Variants in LRR1 observed in about 807,000 individuals in gnomAD.
The protein encoded by LRR1 is leucine rich repeat protein 1.
A neutral mutation model predicts 31.6 loss-of-function variants in LRR1; 29 were observed. The ratio of observed to expected loss-of-function variants is 0.92; its 90% confidence interval spans 0.68 to 1.25. LRR1 has a LOEUF of 1.25. Ranked by LOEUF, LRR1 falls within the 50% of genes most tolerant of loss-of-function variation. The pLI is 0.00. For missense variants in LRR1, 485 were observed against 487.2 expected, an observed-to-expected ratio of 1.00 and a Z score of 0.04; for synonymous variants, 179 against 181.4, an observed-to-expected ratio of 0.99 and a Z score of 0.10.
Position 49,614,276 on chromosome 14 carries a change from T to G in LRR1, c.1025T>G (p.Ile342Ser). Residue 342 changes from isoleucine (I) to serine (S), a missense_variant, in exon 4 of 4, where the codon ATC becomes AGC. Ile to Ser is a moderately radical substitution (Grantham distance 142, BLOSUM62 -2). Transcript: ENST00000298288. Reference protein sequence around the residue: ...LHNRIPYGSHIIPFHLCQDLD... With the variant: ...LHNRIPYGSHSIPFHLCQDLD... ...AATAGGATTCCATATGGCTCTCATA[T>G]CATTCCATTCCATCTCTGCCAAGAT... 2.5e-6 allele frequency: 4 copies of G among 1,613,236 alleles called. No individual in the cohort carries two copies. Among genetic ancestry groups the G allele is most frequent in the Non-Finnish European group, 3.4e-6 (4 of 1,179,792 alleles).
intron 1 of LRR1, chr14:49,601,624 C>G: frequency 7.8e-7 from 1 of 1,289,646 alleles, no homozygotes; most frequent in Non-Finnish European, 1.0e-6. Context: ...GTGCCCACCC[C>G]AGGCTAATGG....
intron 1 of LRR1, chr14:49,600,149 G>C (rs1263712678): frequency 1.5e-5 from 23 of 1,523,934 alleles, no homozygotes; most frequent in South Asian, 1.5e-4. Context: ...GCGTCACCGT[G>C]GGGGGCAAGC....
At chr14:49,608,186 A>T in intron 3 of LRR1, 65 bp downstream of exon 3, 1 of 1,442,342 alleles carries the variant, frequency 6.9e-7, no homozygotes, top group Non-Finnish European at 9.2e-7. Context: ...TATCAAACTC[A>T]GAGTAATAAA....
intron 3 of LRR1, among the ~76,000 whole-genome samples, chr14:49,610,651 C>T (rs555913954): frequency 6.6e-6 from 1 of 152,106 alleles, no homozygotes; most frequent in East Asian, 1.9e-4. Context: ...CAACCTCTGC[C>T]TCCCAGGTTC....
chr14:49,602,684 C>T (rs1393057815), intron 2 of LRR1, among the ~76,000 whole-genome samples: 1 of 152,028 alleles, frequency 6.6e-6, no homozygotes, highest in Non-Finnish European at 1.5e-5. Flanking sequence ...TTTGTAGAGA[C>T]GGAGTCTTGA....
At position 49,607,608 on chromosome 14, in the gene LRR1, G is replaced by A; in HGVS notation, c.491G>A (p.Cys164Tyr). The change falls in exon 3 of 4, where the codon TGT becomes TAT. Residue 164 changes from cysteine to tyrosine, a missense_variant. Around this residue, in one of 3 missense-constraint regions of LRR1, gnomAD observed 260 missense variants for 249.6 expected, o/e 1.04. Transcript: ENST00000298288. The stretch of plus-strand genomic sequence containing the variant: ...TTGGAACATCTTCAGACTTCTTACT[G>A]TGGGCTTGTCCGAGTTGATATGCGT... ...YSLEHLQTSY[C>Y]GLVRVDMRML... The A allele has an allele frequency of 6.2e-7, 1 of 1,614,222 alleles. No homozygotes were observed. Among genetic ancestry groups the A allele is most frequent in the East Asian group, 2.2e-5 (1 of 44,886 alleles).
intron 3 of LRR1, chr14:49,612,752 T>C (rs770459978): frequency 1.0e-5 from 6 of 584,086 alleles, no homozygotes; most frequent in African/African-American, 2.0e-5. Context: ...ACCTATTATG[T>C]GCCAGCCTAA....
chr14:49,600,790 C>A, intron 1 of LRR1: 1 of 813,050 alleles, frequency 1.2e-6, no homozygotes, highest in Non-Finnish European at 1.9e-6. Context: ...ATTTAAGAAG[C>A]AGTAAGCAGC....
intron 1 of LRR1, chr14:49,600,193 A>C: frequency 2.0e-6 from 3 of 1,476,240 alleles, no homozygotes; most frequent in Non-Finnish European, 2.8e-6. Context: ...ACCGCCGGAC[A>C]GGAAGACTAT....
intron 2 of LRR1, among the ~76,000 whole-genome samples, chr14:49,605,563 C>T (rs1358889621): frequency 6.6e-6 from 1 of 152,174 alleles, no homozygotes; most frequent in Non-Finnish European, 1.5e-5. Flanking sequence ...TAGAATTTGA[C>T]AATGATAATT....
chr14:49,614,105 T>G, intron 3 of LRR1, 151 bp from the exon 4 acceptor site: 1 of 743,408 alleles, frequency 1.3e-6, no homozygotes, highest in Non-Finnish European at 2.1e-6. Context: ...ATCTGAAGTT[T>G]ACAATATGTC....
At chr14:49,603,943 G>A (rs35115268) in intron 2 of LRR1, among the ~76,000 whole-genome samples, 32,664 of 150,484 alleles carry the variant, frequency 0.22, 3,791 homozygotes, top group Admixed American at 0.3. Flanking sequence ...CGCCCACCTT[G>A]GCCGCCCAAA....
chr14:49,604,469 T>C (rs1882210872), intron 2 of LRR1, among the ~76,000 whole-genome samples: 1 of 152,070 alleles, frequency 6.6e-6, no homozygotes, highest in Admixed American at 6.6e-5. Context: ...GGAGCCCTAG[T>C]TGGGCGGATT....
In LRR1 at chr14:49,605,275, G is replaced by A. The variant is rs142935799; in HGVS notation, c.283-2125G>A. Among the ~76,000 whole-genome samples, 61 of 152,226 alleles carry A rather than the reference G, an allele frequency of 4.0e-4. No individual in the cohort carries two copies. The East Asian group carries it at 0.011, about 28-fold the overall frequency. ...ATAACTAAGGAGTTTGGATTGAATG[G>A]AATAATTTTGTCCCATCTCCTCCTT... On this transcript the variant is annotated intron_variant, in intron 2 of 3. Coordinates refer to ENST00000298288, the MANE Select transcript of LRR1 (RefSeq NM_152329.4).
At position 49,607,552 on chromosome 14, in the gene LRR1, C is replaced by G; in HGVS notation, c.435C>G (p.Asp145Glu). The part of the protein sequence containing the change: ...KTKMVITSKK[D>E]YPLSKNFPYS... ...AAATGGTTATCACATCCAAAAAAGA[C>G]TATCCTCTAAGTAAGAATTTTCCAT... The change falls in exon 3 of 4, where the codon GAC becomes GAG. Residue 145 changes from aspartate (D) to glutamate (E), a missense_variant. Asp to Glu is a conservative substitution (Grantham distance 45). Transcript: ENST00000298288. The G allele has an allele frequency of 6.2e-7, 1 of 1,614,110 alleles. No homozygotes were observed.
At chr14:49,602,581 A>G in intron 2 of LRR1, 113 bp downstream of exon 2, 1 of 768,700 alleles carries the variant, frequency 1.3e-6, no homozygotes, top group Non-Finnish European at 2.1e-6. Context: ...GTCATAGCTC[A>G]CTGCATCAAA....
intron 1 of LRR1, chr14:49,601,093 G>A: frequency 2.5e-6 from 4 of 1,611,158 alleles, no homozygotes; most frequent in Non-Finnish European, 3.4e-6. Flanking sequence ...GCCAAAGGTC[G>A]CTCCAAGCGT....
intron 2 of LRR1, among the ~76,000 whole-genome samples, chr14:49,604,834 C>A (rs1392454816): frequency 1.3e-5 from 2 of 151,864 alleles, no homozygotes; most frequent in African/African-American, 4.8e-5. Flanking sequence ...TGCCTTCTGC[C>A]CTCTGCCCTA....
intron 1 of LRR1, chr14:49,599,999 T>C (rs1881986563): frequency 1.2e-6 from 2 of 1,605,292 alleles, no homozygotes; most frequent in Non-Finnish European, 1.7e-6. Context: ...GCATCATGGC[T>C]CACGGGCCCG....
Sources: allele counts gnomAD v4.1 joint callset (sites outside exome capture counted in the v4.1 genomes callset), GRCh38; gene constraint gnomAD v4.1.1; regional missense constraint gnomAD v4.1.1; transcripts MANE v1.5; gene names NCBI Gene and HGNC (gene_info 2026-07-23, HGNC 2026-07-21).